STPG2: variants seen among roughly 807,000 people sequenced by gnomAD.
STPG2 encodes sperm-tail PG-rich repeat-containing protein 2.
STPG2 carries 56 observed loss-of-function variants against 54.2 expected under a neutral mutation model. The ratio of observed to expected loss-of-function variants is 1.03; its 90% CI spans 0.83 to 1.29. The LOEUF is 1.29. Ranked by LOEUF, STPG2 falls within the 50% of genes most tolerant of loss-of-function variation. The pLI is 0.00. For missense variants in STPG2, 596 were observed against 544.9 expected, an observed-to-expected ratio of 1.09 and a Z score of -0.93; for synonymous variants, 200 against 181.8, an observed-to-expected ratio of 1.10 and a Z score of -0.81.
chr4:97,891,197 A>C (rs998718747), intron 8 of STPG2, among the ~76,000 whole-genome samples: 3 of 152,060 alleles, frequency 2.0e-5, no homozygotes, highest in Non-Finnish European at 4.4e-5. Context: ...AACCTACTTA[A>C]ATGTCAAAAA....
chr4:97,876,124 G>T (rs1730162245), intron 8 of STPG2, among the ~76,000 whole-genome samples: 1 of 151,984 alleles, frequency 6.6e-6, no homozygotes, highest in African/African-American at 2.4e-5. Flanking sequence ...TCAAGCGAAT[G>T]CTAAAAAGTC....
chr4:97,814,745 G>A (rs1434054296), intron 9 of STPG2, among the ~76,000 whole-genome samples: 14 of 152,046 alleles, frequency 9.2e-5, no homozygotes, highest in Admixed American at 5.2e-4. Flanking sequence ...GCAGAAAAAC[G>A]TGAAAAGACT....
chr4:98,105,267 C>T (rs554738030), intron 5 of STPG2, among the ~76,000 whole-genome samples: 2 of 152,256 alleles, frequency 1.3e-5, no homozygotes, highest in Admixed American at 6.5e-5. Flanking sequence ...CCTTTAAATT[C>T]GGTTAAAGTT....
At chr4:98,046,050 C>CT (rs546145548) in intron 5 of STPG2, among the ~76,000 whole-genome samples, 57,095 of 136,548 alleles carry the variant, frequency 0.42, 11,333 homozygotes, top group South Asian at 0.48. Context: ...TTTTTTCATT[C>CT]TTTTTTTTTT....
At chr4:97,877,466 A>G (rs1024967525) in intron 8 of STPG2, among the ~76,000 whole-genome samples, 1 of 152,216 alleles carries the variant, frequency 6.6e-6, no homozygotes, top group Non-Finnish European at 1.5e-5. Context: ...TAACGGACTC[A>G]CAGTTCCACG....
intron 4 of STPG2, among the ~76,000 whole-genome samples, chr4:97,467,858 T>G (rs1397431840): frequency 6.6e-6 from 1 of 150,690 alleles, no homozygotes; most frequent in African/African-American, 2.4e-5. Flanking sequence ...TTTTTTTTTT[T>G]AAGATGGGAT....
intron 10 of STPG2, among the ~76,000 whole-genome samples, chr4:97,568,909 T>TG (rs1418963300): frequency 7.0e-6 from 1 of 143,614 alleles, no homozygotes; most frequent in Non-Finnish European, 1.5e-5. Context: ...TGTTTTTTTT[T>TG]TTGTTTGTTT....
chr4:97,736,508 T>C (rs1269341878), intron 9 of STPG2, among the ~76,000 whole-genome samples: 2 of 152,246 alleles, frequency 1.3e-5, no homozygotes, highest in Non-Finnish European at 2.9e-5. Flanking sequence ...TCCCACCCCA[T>C]TACTGCGCTT....
intron 7 of STPG2, among the ~76,000 whole-genome samples, chr4:97,950,582 G>A (rs1302593473): frequency 6.6e-6 from 1 of 151,906 alleles, no homozygotes; most frequent in Non-Finnish European, 1.5e-5. Context: ...TCGTTTTCTG[G>A]TATTTCCAAG....
intron 4 of STPG2, among the ~76,000 whole-genome samples, chr4:97,444,710 A>T (rs1729175508): frequency 6.6e-6 from 1 of 152,184 alleles, no homozygotes; most frequent in African/African-American, 2.4e-5. Context: ...TGAAAGAGTT[A>T]AATATGTGGG....
chr4:97,558,849 A>C, downstream of STPG2: 1 of 518,396 alleles, frequency 1.9e-6, no homozygotes, highest in East Asian at 3.5e-5. Flanking sequence ...CAGATAAATA[A>C]TACAATATGA....
intron 3 of STPG2, among the ~76,000 whole-genome samples, chr4:98,126,764 T>C (rs905485145): frequency 1.3e-5 from 2 of 152,156 alleles, no homozygotes; most frequent in Non-Finnish European, 2.9e-5. Flanking sequence ...AGAGGCGTCA[T>C]ATCCAAAATG....
At chr4:97,533,777 C>A (rs1308522912) in intron 4 of STPG2, among the ~76,000 whole-genome samples, 1 of 151,878 alleles carries the variant, frequency 6.6e-6, no homozygotes, top group Non-Finnish European at 1.5e-5. Flanking sequence ...TATTAAGATA[C>A]CTATTTTTGT....
At chr4:97,631,514 G>C (rs1201263700) in intron 10 of STPG2, among the ~76,000 whole-genome samples, 1 of 152,026 alleles carries the variant, frequency 6.6e-6, no homozygotes, top group Admixed American at 6.6e-5. Context: ...AAATTTTCAA[G>C]ATCTCTGTAG....
At chr4:97,857,650 C>T (rs555686760) in intron 8 of STPG2, among the ~76,000 whole-genome samples, 6 of 151,958 alleles carry the variant, frequency 3.9e-5, no homozygotes, top group African/African-American at 1.4e-4. Context: ...TCTCTATCTC[C>T]TTCAATTATG....
chr4:98,136,686 A>G (rs994105904), intron 1 of STPG2, among the ~76,000 whole-genome samples: 6 of 151,794 alleles, frequency 4.0e-5, no homozygotes, highest in African/African-American at 1.4e-4. Context: ...ATGTAGAAGT[A>G]AAATGTACAA....
intron 10 of STPG2, among the ~76,000 whole-genome samples, chr4:97,573,997 C>T (rs1391334188): frequency 1.3e-5 from 2 of 151,946 alleles, no homozygotes; most frequent in Non-Finnish European, 2.9e-5. Context: ...TTAACAGGAC[C>T]CCTCTAGGAT....
chr4:97,673,767 T>A (rs1312502909), intron 10 of STPG2, among the ~76,000 whole-genome samples: 3 of 152,170 alleles, frequency 2.0e-5, no homozygotes, highest in Non-Finnish European at 4.4e-5. Context: ...ACATCTTATA[T>A]CTTTACTCTG....
At chr4:97,994,622 C>G (rs915960416) in intron 5 of STPG2, among the ~76,000 whole-genome samples, 3 of 152,196 alleles carry the variant, frequency 2.0e-5, no homozygotes, top group Middle Eastern at 3.4e-3. Context: ...CAGGCTGGTA[C>G]AGGGGAGTAT....
Sources: allele counts gnomAD v4.1 joint callset (sites outside exome capture counted in the v4.1 genomes callset), GRCh38; gene constraint gnomAD v4.1.1; transcripts MANE v1.5; gene names NCBI Gene and HGNC (gene_info 2026-07-23, HGNC 2026-07-21).